CADM2: variants seen among roughly 807,000 people sequenced by gnomAD.
CADM2 encodes immunoglobulin superfamily member 4D.
A neutral mutation model predicts 49.8 loss-of-function variants in CADM2; 12 were observed. That is an observed-to-expected ratio of 0.24 (90% CI 0.15 to 0.39). The LOEUF (loss-of-function observed/expected upper bound fraction) is 0.39, where lower values mean the gene tolerates loss of function less well. Among genes scored for constraint, CADM2 ranks in the 10% least tolerant of loss-of-function variants. The probability of loss-of-function intolerance (pLI) is 1.00; values close to 1 mark genes in which losing one functional copy is unlikely to be tolerated. For missense variants in CADM2, 378 were observed against 492.3 expected (o/e 0.77, Z 2.20); for synonymous variants, 214 against 175.4 (o/e 1.22, Z -1.74).
At chr3:85,761,790 T>C (rs914156359) in intron 2 of CADM2, among the ~76,000 whole-genome samples, 4 of 152,282 alleles carry the variant, frequency 2.6e-5, no homozygotes, top group African/African-American at 9.6e-5. Flanking sequence ...TGTGCTGTCT[T>C]TCATATAAAG....
At position 85,348,410 on chromosome 3, in the gene CADM2, T is replaced by G. The variant is rs560477251; in HGVS notation, c.62-378112T>G. ...CTAAGAATAATGTTTGACCATTGAC[T>G]AAATATCTGGGTACCCCATGGCTCA... On this transcript the variant is annotated intron_variant, in intron 1 of 9. Transcript: ENST00000383699. Among the ~76,000 whole-genome samples the G allele has an allele frequency of 9.3e-4, 141 of 152,340 alleles. 2 individuals are homozygous for G. The South Asian group carries it at 0.027, about 29-fold the overall frequency.
chr3:85,992,514 G>A (rs529854628), intron 8 of CADM2: 3 of 152,072 alleles, frequency 2.0e-5, no homozygotes, highest in Non-Finnish European at 4.4e-5. Context: ...TATATTTAAA[G>A]TACAGGCATG....
intron 1 of CADM2, among the ~76,000 whole-genome samples, chr3:85,429,355 G>T (rs1357514940): frequency 6.6e-6 from 1 of 152,104 alleles, no homozygotes; most frequent in Non-Finnish European, 1.5e-5. Context: ...TACTAGTTAT[G>T]TTATGCAATG....
At chr3:85,456,251 T>C (rs2037983427) in intron 1 of CADM2, among the ~76,000 whole-genome samples, 2 of 152,298 alleles carry the variant, frequency 1.3e-5, no homozygotes, top group South Asian at 4.1e-4. Context: ...GTTGAGACAA[T>C]TGATATCTGA....
intron 8 of CADM2, among the ~76,000 whole-genome samples, chr3:86,042,683 T>G (rs1214126970): frequency 2.0e-5 from 3 of 152,124 alleles, no homozygotes; most frequent in Non-Finnish European, 1.5e-5. Flanking sequence ...CTTCTGAAAC[T>G]ATTCCAATCA....
At chr3:85,997,816 G>A (rs559146692) in intron 8 of CADM2, among the ~76,000 whole-genome samples, 4 of 152,252 alleles carry the variant, frequency 2.6e-5, no homozygotes, top group Admixed American at 2.0e-4. Context: ...TCTTTATAGG[G>A]ACAGAACTTT....
At chr3:85,037,878 T>C (rs1319448950) in intron 1 of CADM2, among the ~76,000 whole-genome samples, 2 of 152,180 alleles carry the variant, frequency 1.3e-5, no homozygotes, top group African/African-American at 4.8e-5. Context: ...CAATATACTT[T>C]CTTGCTTTAA....
rs868441860 is a variant in CADM2, at chr3:85,724,805, C to T, written c.62-1717C>T. ...GGATATTGTTTACTTTGCTATATTA[C>T]CTGTAATTTTTGATATATATCAATT... On this transcript the variant is annotated intron_variant, in intron 1 of 9. Transcript: ENST00000383699. 2.6e-5 allele frequency among the ~76,000 whole-genome samples: 4 copies of T among 151,594 alleles called. No homozygotes were observed. The South Asian group carries it at 6.2e-4, about 24-fold the overall frequency.
At chr3:85,491,778 C>G (rs1347922115) in intron 1 of CADM2, among the ~76,000 whole-genome samples, 1 of 151,814 alleles carries the variant, frequency 6.6e-6, no homozygotes, top group Admixed American at 6.6e-5. Flanking sequence ...GGTGAAACCC[C>G]ATCTCTACTA....
chr3:84,981,445 T>C (rs897115792), intron 1 of CADM2, among the ~76,000 whole-genome samples: 3 of 152,088 alleles, frequency 2.0e-5, no homozygotes, highest in African/African-American at 7.2e-5. Flanking sequence ...TACGTTACTA[T>C]TTATAAATCT....
intron 1 of CADM2, among the ~76,000 whole-genome samples, chr3:85,519,522 C>T (rs1389178294): frequency 4.6e-5 from 7 of 151,988 alleles, no homozygotes; most frequent in Non-Finnish European, 5.9e-5. Context: ...TGGAATAATA[C>T]TTACCCAACA....
intron 1 of CADM2, among the ~76,000 whole-genome samples, chr3:85,112,141 A>T (rs946756918): frequency 6.6e-6 from 1 of 151,918 alleles, no homozygotes; most frequent in East Asian, 1.9e-4. Flanking sequence ...TTGTTGATGG[A>T]AACTCTTGCA....
In CADM2 at chr3:85,965,475, G is replaced by T. The variant is rs1028496337; in HGVS notation, c.970+3828G>T. On this transcript the variant is annotated intron_variant, in intron 8 of 9. Transcript: ENST00000383699. ...TACCAAGGACAATCAAACTCCAAGG[G>T]TCTGGTAAGAAACTTGCCCATGAGT... Among the ~76,000 whole-genome samples the T allele has an allele frequency of 2.0e-5, 3 of 151,208 alleles. No homozygotes were observed. In the South Asian group the frequency reaches 6.2e-4, roughly 31 times the overall value.
chr3:85,493,174 A>G (rs528117640), intron 1 of CADM2, among the ~76,000 whole-genome samples: 9 of 152,290 alleles, frequency 5.9e-5, no homozygotes, highest in Middle Eastern at 3.4e-3. Context: ...TTGGCATATA[A>G]TGAAAACAGA....
intron 1 of CADM2, among the ~76,000 whole-genome samples, chr3:85,572,250 G>A (rs981732315): frequency 6.6e-6 from 1 of 152,082 alleles, no homozygotes; most frequent in Non-Finnish European, 1.5e-5. Context: ...TTGTGCCACT[G>A]CTTTCCAGTC....
intron 2 of CADM2, among the ~76,000 whole-genome samples, chr3:85,731,511 A>C (rs2067928105): frequency 6.6e-6 from 1 of 152,160 alleles, no homozygotes; most frequent in Admixed American, 6.6e-5. Flanking sequence ...TATTATTATT[A>C]TTACTATCAC....
intron 2 of CADM2, among the ~76,000 whole-genome samples, chr3:85,764,931 G>A (rs1245627893): frequency 6.6e-6 from 1 of 151,944 alleles, no homozygotes; most frequent in Admixed American, 6.6e-5. Flanking sequence ...TTAGTAATGG[G>A]TATACAAACC....
intron 1 of CADM2, among the ~76,000 whole-genome samples, chr3:85,009,363 C>T (rs2033881456): frequency 6.6e-6 from 1 of 152,114 alleles, no homozygotes; most frequent in South Asian, 2.1e-4. Flanking sequence ...GTTCAAGTTA[C>T]AGCTCACGAG....
At chr3:85,792,324 T>C (rs1335699699) in intron 2 of CADM2, among the ~76,000 whole-genome samples, 1 of 152,242 alleles carries the variant, frequency 6.6e-6, no homozygotes, top group South Asian at 2.1e-4. Context: ...GTTTATCTTA[T>C]GAGACTTTTA....
Sources: gnomAD v4.1 joint callset for allele counts (sites outside exome capture counted in the v4.1 genomes callset) on GRCh38, gnomAD v4.1.1 for gene constraint, MANE v1.5 for transcripts, NCBI Gene and HGNC (gene_info 2026-07-23, HGNC 2026-07-21) for gene names.